Variants in EXOC4 observed in about 807,000 individuals in gnomAD.
The protein encoded by EXOC4 is SEC8-like 1.
In EXOC4, 71 loss-of-function variants were observed where a neutral mutation model predicts 107.2. The observed-to-expected ratio is 0.66, with a 90% CI of 0.55 to 0.81. EXOC4 has a LOEUF of 0.81. EXOC4 is among the 30% of genes least tolerant of loss of function. EXOC4 has a pLI of 0.00. For missense variants in EXOC4, 1,108 were observed against 1,189.6 expected, an observed-to-expected ratio of 0.93 and a Z score of 1.01; for synonymous variants, 456 against 441.2, an observed-to-expected ratio of 1.03 and a Z score of -0.42.
chr7:133,770,410 T>G (rs1232660694), intron 10 of EXOC4, among the ~76,000 whole-genome samples: 1 of 151,918 alleles, frequency 6.6e-6, no homozygotes, highest in Admixed American at 6.6e-5. Context: ...TCTGTGATCG[T>G]TAAAAAAGAC....
intron 2 of EXOC4, among the ~76,000 whole-genome samples, chr7:133,283,104 C>CA (rs1373974362): frequency 1.3e-5 from 2 of 152,150 alleles, no homozygotes; most frequent in Non-Finnish European, 2.9e-5. Context: ...TTGCAAATGA[C>CA]AAGAGTTCCT....
At chr7:133,423,287 A>G (rs959941546) in intron 7 of EXOC4, among the ~76,000 whole-genome samples, 13 of 152,290 alleles carry the variant, frequency 8.5e-5, no homozygotes, top group African/African-American at 2.6e-4. Flanking sequence ...TGAGCTAAAT[A>G]AGTTTCTTTG....
intron 10 of EXOC4, among the ~76,000 whole-genome samples, chr7:133,702,468 A>G (rs996082811): frequency 2.0e-5 from 3 of 150,734 alleles, no homozygotes; most frequent in Non-Finnish European, 4.4e-5. Context: ...CCTCTTGAGA[A>G]GCCTGGATTG....
At chr7:133,944,247 A>G (rs1251081944) in intron 14 of EXOC4, among the ~76,000 whole-genome samples, 2 of 152,114 alleles carry the variant, frequency 1.3e-5, no homozygotes, top group Non-Finnish European at 1.5e-5. Flanking sequence ...GTTTTCCCAT[A>G]TCACAGTTAT....
chr7:134,050,195 A>G (rs1168779410), intron 17 of EXOC4, among the ~76,000 whole-genome samples: 2 of 152,250 alleles, frequency 1.3e-5, no homozygotes, highest in African/African-American at 4.8e-5. Flanking sequence ...AATTGTCTCT[A>G]GGAAAGGAAA....
intron 4 of EXOC4, among the ~76,000 whole-genome samples, chr7:133,307,475 A>G (rs369707378): frequency 1.3e-5 from 2 of 152,190 alleles, no homozygotes; most frequent in African/African-American, 4.8e-5. Flanking sequence ...TCCTGTGAAA[A>G]TATTCTGTAT....
chr7:133,374,944 A>G lies in EXOC4; in HGVS notation c.1124A>G (p.Glu375Gly). 1 of 1,614,128 alleles carries G rather than the reference A, an allele frequency of 6.2e-7. No homozygotes were observed. The highest frequency in any genetic ancestry group is 8.5e-7 in the Non-Finnish European group (1 of 1,179,984). The change falls in exon 7 of 18, where the codon GAA becomes GGA. Residue 375 changes from glutamate (E) to glycine (G), a missense_variant. By Grantham distance (98) the Glu-to-Gly change is moderately conservative (BLOSUM62 -2). Coordinates refer to ENST00000253861, the MANE Select transcript of EXOC4 (RefSeq NM_021807.4). ...DTVVTPLTQQ[E>G]DIKLYDMADV... Reference sequence around the variant, plus strand: ...GTAGTGACTCCACTGACTCAGCAGGAAGATATCAAACTGTATGATATGGCA... The same window carrying G: ...GTAGTGACTCCACTGACTCAGCAGGGAGATATCAAACTGTATGATATGGCA...
chr7:133,460,191 G>T (rs983445475), intron 7 of EXOC4, among the ~76,000 whole-genome samples: 1 of 152,116 alleles, frequency 6.6e-6, no homozygotes, highest in African/African-American at 2.4e-5. Context: ...AGGAGCACAC[G>T]ACCTAGATCC....
At chr7:133,657,975 T>C (rs986131519) in intron 10 of EXOC4, among the ~76,000 whole-genome samples, 1 of 152,132 alleles carries the variant, frequency 6.6e-6, no homozygotes, top group African/African-American at 2.4e-5. Flanking sequence ...GTGCGGGATA[T>C]AGGCAATCTT....
intron 7 of EXOC4, among the ~76,000 whole-genome samples, chr7:133,448,418 T>A (rs1396140225): frequency 6.6e-6 from 1 of 152,066 alleles, no homozygotes; most frequent in Non-Finnish European, 1.5e-5. Context: ...TCACCTCAGC[T>A]ACCTTAGCAG....
At chr7:133,546,535 A>C (rs1800485803) in intron 9 of EXOC4, among the ~76,000 whole-genome samples, 1 of 152,082 alleles carries the variant, frequency 6.6e-6, no homozygotes, top group African/African-American at 2.4e-5. Flanking sequence ...GGATTGCAGG[A>C]GTGAGCCACT....
chr7:133,957,722 T>C (rs1432851297), intron 14 of EXOC4, among the ~76,000 whole-genome samples: 3 of 152,176 alleles, frequency 2.0e-5, no homozygotes, highest in South Asian at 2.1e-4. Context: ...GCAGAACCAT[T>C]TGAAACATCT....
At chr7:133,292,029 A>G (rs1046044175) in intron 3 of EXOC4, among the ~76,000 whole-genome samples, 3 of 152,096 alleles carry the variant, frequency 2.0e-5, no homozygotes, top group Non-Finnish European at 4.4e-5. Context: ...AGGTGAAGAG[A>G]TTCTCTCATC....
chr7:133,462,687 T>G (rs2150827129), intron 7 of EXOC4, among the ~76,000 whole-genome samples: 1 of 152,248 alleles, frequency 6.6e-6, no homozygotes, highest in Admixed American at 6.5e-5. Flanking sequence ...ATTTTTTATA[T>G]TTTTCCCTGG....
At chr7:133,653,991 G>A (rs903092877) in intron 10 of EXOC4, among the ~76,000 whole-genome samples, 1 of 152,202 alleles carries the variant, frequency 6.6e-6, no homozygotes, top group Admixed American at 6.5e-5. Flanking sequence ...GGTAGGGATA[G>A]TCATGGAAGA....
At chr7:133,787,168 C>CTTTTTTTTTTTTTTTTTTTTTTTTTTTT (rs1796588276) in intron 10 of EXOC4, among the ~76,000 whole-genome samples, 1 of 40,908 alleles carries the variant, frequency 2.4e-5, no homozygotes, top group African/African-American at 8.9e-5. Flanking sequence ...TTTTTTTTTT[C>CTTTTTTTTTTTTTTTTTTTTTTTTTTTT]TTTTCTTTTT....
intron 9 of EXOC4, among the ~76,000 whole-genome samples, chr7:133,549,032 C>G (rs980017902): frequency 3.3e-5 from 5 of 152,208 alleles, no homozygotes; most frequent in African/African-American, 7.2e-5. Flanking sequence ...GAGACAGAGT[C>G]TTGCTTTGTC....
chr7:134,053,616 A>T (rs1036217786), intron 17 of EXOC4, among the ~76,000 whole-genome samples: 2 of 150,400 alleles, frequency 1.3e-5, no homozygotes, highest in Non-Finnish European at 3.0e-5. Flanking sequence ...TATATTTTTT[A>T]GTTGGAGATG....
At chr7:133,792,553 CAAAAA>C (rs56408972) in intron 10 of EXOC4, among the ~76,000 whole-genome samples, 1 of 73,604 alleles carries the variant, frequency 1.4e-5, no homozygotes, top group Non-Finnish European at 2.4e-5. Context: ...ACCCTGTCTC[CAAAAA>C]AAAAAAAAAA....
Sources: allele counts gnomAD v4.1 joint callset (sites outside exome capture counted in the v4.1 genomes callset), GRCh38; gene constraint gnomAD v4.1.1; transcripts MANE v1.5; gene names NCBI Gene and HGNC (gene_info 2026-07-23, HGNC 2026-07-21).